The following ADAP1 variants were observed in gnomAD, a reference collection of about 807,000 sequenced individuals.
ADAP1 encodes the protein ArfGAP with dual PH domains 1.
Under a neutral mutation model 54.9 loss-of-function variants are expected in ADAP1, and 31 were observed. The ratio of observed to expected loss-of-function variants is 0.56; its 90% CI spans 0.42 to 0.76. ADAP1 has a LOEUF of 0.76. Among genes scored for constraint, ADAP1 ranks in the 30% least tolerant of loss-of-function variants. The pLI is 0.00. For missense variants in ADAP1, 535 were observed against 512.4 expected, an observed-to-expected ratio of 1.04 and a Z score of -0.42; for synonymous variants, 313 against 202.6, an observed-to-expected ratio of 1.55 and a Z score of -4.63.
intron 4 of ADAP1, among the ~76,000 whole-genome samples, chr7:906,728 CA>C (rs1845440614): frequency 2.8e-5 from 1 of 35,316 alleles, no homozygotes; most frequent in Non-Finnish European, 5.1e-5. Flanking sequence ...GGGGACGGGA[CA>C]TGGGGGACAG....
At chr7:932,712 G>A (rs73044437) in intron 2 of ADAP1, among the ~76,000 whole-genome samples, 5,286 of 152,216 alleles carry the variant, frequency 0.035, 163 homozygotes, top group Non-Finnish European at 0.042. Flanking sequence ...AAGGTGGGTC[G>A]AAGGGCGAAG....
chr7:935,050 C>T (rs1443669371), intron 2 of ADAP1: 4 of 487,748 alleles, frequency 8.2e-6, no homozygotes, highest in East Asian at 5.6e-5. Context: ...ACCCTGAGCC[C>T]AGTGCTCCAG....
At chr7:905,207 G>C (rs1394328601) in intron 4 of ADAP1, 35 bp from the exon 5 acceptor site, 3 of 1,549,592 alleles carry the variant, frequency 1.9e-6, no homozygotes, top group East Asian at 4.5e-5. Flanking sequence ...CGGTGACAGT[G>C]GATGGGGGGG....
Position 926,502 on chromosome 7 carries a change from G to T in ADAP1, c.305+51C>A. Reference sequence around the variant, plus strand: ...TGCCGGGTCCTCCCGGGGCCATCTCGGAGCCACCCAGCACTTGACCATGGC... The same window carrying T: ...TGCCGGGTCCTCCCGGGGCCATCTCTGAGCCACCCAGCACTTGACCATGGC... On this transcript the variant is annotated intron_variant, in intron 3 of 10. Transcript: ENST00000265846. The surrounding 1 kb of genome is among the most constrained non-coding windows in gnomAD (Gnocchi z 4.6). The T allele has an allele frequency of 6.9e-7, 1 of 1,458,994 alleles. No individual in the cohort carries two copies. The highest frequency in any genetic ancestry group is 9.1e-7 in the Non-Finnish European group (1 of 1,099,770). The allele number at this position is 1,458,994 out of a possible 1,614,324, so 90.4% of individuals were successfully genotyped here.
At chr7:922,371 T>TGGGGGCA (rs996271618) in intron 3 of ADAP1, among the ~76,000 whole-genome samples, 1 of 152,110 alleles carries the variant, frequency 6.6e-6, no homozygotes, top group African/African-American at 2.4e-5. Flanking sequence ...AAATGTGAGC[T>TGGGGGCA]GGGGGCAGGG....
In ADAP1 at chr7:927,110, A is replaced by T. The variant is rs1024340831; in HGVS notation, c.214-466T>A. 11 of 1,304,046 alleles carry T rather than the reference A, an allele frequency of 8.4e-6. No homozygotes were observed. The African/African-American group carries it at 1.7e-4, about 20-fold the overall frequency. 80.8% of individuals were successfully genotyped at this position (1,304,046 alleles called of 1,614,324 possible). A position where few individuals can be genotyped will look rare whatever the true frequency, so the allele number is the denominator to read the frequency against. ...ACGGGGGCCTGGAGATGGGCTGGTG[A>T]GCGAGAGACCCAGATGTGGCTAGGA... On this transcript the variant is annotated intron_variant, in intron 2 of 10. Coordinates refer to ENST00000265846, the MANE Select transcript of ADAP1 (RefSeq NM_006869.4).
chr7:900,850 C>A, intron 6 of ADAP1: 1 of 633,930 alleles, frequency 1.6e-6, no homozygotes, highest in South Asian at 1.6e-5. Flanking sequence ...GCAGCCTCCC[C>A]CGGCGAAGTC....
Position 899,727 on chromosome 7 carries a change from G to A in ADAP1, c.796-237C>T, listed in dbSNP as rs553371628. On this transcript the variant is annotated intron_variant, in intron 8 of 10. Coordinates refer to ENST00000265846, the MANE Select transcript of ADAP1 (RefSeq NM_006869.4). The stretch of plus-strand genomic sequence containing the variant: ...CCCCAGCCCTCCCTGGGCCCCAGAT[G>A]GGGGCCCAGGCCTCACTTACGAGCC... 4.9e-3 allele frequency among the ~76,000 whole-genome samples: 738 copies of A among 152,138 alleles called. 3 individuals are homozygous for A. The highest frequency in any genetic ancestry group is 0.017 in the Middle Eastern group (5 of 294).
intron 7 of ADAP1, 140 bp from the exon 8 acceptor site, chr7:900,304 C>A: frequency 9.1e-7 from 1 of 1,097,932 alleles, no homozygotes; most frequent in South Asian, 1.4e-5. Flanking sequence ...GCAGGATCCA[C>A]ATTTCTGCCT....
chr7:907,905 C>T (rs1161485333), intron 4 of ADAP1, among the ~76,000 whole-genome samples: 1 of 151,726 alleles, frequency 6.6e-6, no homozygotes, highest in Non-Finnish European at 1.5e-5. Context: ...GGCCGTCTGC[C>T]GAGGAGCCGT....
At chr7:910,251 C>T (rs959855685) in intron 4 of ADAP1, among the ~76,000 whole-genome samples, 1 of 152,072 alleles carries the variant, frequency 6.6e-6, no homozygotes, top group Non-Finnish European at 1.5e-5. Context: ...TCACATAAAG[C>T]CCACACCCGT....
rs1562912833 is a variant in ADAP1 at position 905,747 on chromosome 7, G to GGAGAAAGGAGAAAGGAGAAAGGAGAAA, written c.389-576_389-575insTTTCTCCTTTCTCCTTTCTCCTTTCTC. 2 of 3,604 alleles carry GGAGAAAGGAGAAAGGAGAAAGGAGAAA rather than the reference G, an allele frequency of 5.5e-4. 1 individual carries two copies. Among genetic ancestry groups the GGAGAAAGGAGAAAGGAGAAAGGAGAAA allele is most frequent in the African/African-American group, 2.8e-3 (2 of 708 alleles). 0.2% of individuals were successfully genotyped at this position (3,604 alleles called of 1,614,324 possible). On this transcript the variant is annotated intron_variant, in intron 4 of 10. Transcript: ENST00000265846. ...GGGAAAGGAGAAAGGGAAAGGAGAAGGGAGAAGGGAGAAGGGAGAAAGGAG... is the reference window on the plus strand; with the variant it reads ...GGGAAAGGAGAAAGGGAAAGGAGAAGGAGAAAGGAGAAAGGAGAAAGGAGAAAGGAGAAGGGAGAAGGGAGAAAGGAG...
chr7:905,635 G>GGA (rs1845188044), intron 4 of ADAP1: 1 of 29,344 alleles, frequency 3.4e-5, no homozygotes, highest in Non-Finnish European at 6.3e-5. Context: ...AAGGAGAAAG[G>GGA]GAAAGGAGAA....
intron 4 of ADAP1, among the ~76,000 whole-genome samples, chr7:912,907 G>A (rs893137071): frequency 2.0e-5 from 3 of 152,200 alleles, no homozygotes; most frequent in African/African-American, 7.2e-5. Flanking sequence ...GGAGTGCAGT[G>A]GTGCAATCAC....
intron 1 of ADAP1, among the ~76,000 whole-genome samples, chr7:951,388 T>A (rs1278036507): frequency 2.2e-4 from 30 of 133,768 alleles, no homozygotes; most frequent in East Asian, 1.6e-3. Context: ...AAAAAAAAAA[T>A]ATCCAACCTA....
intron 6 of ADAP1, among the ~76,000 whole-genome samples, chr7:902,475 A>AAATGCCTGGGCGTGGTG (rs1491159593): frequency 1.6e-3 from 231 of 142,210 alleles, no homozygotes; most frequent in East Asian, 2.3e-3. Flanking sequence ...AAAAAAAGAA[A>AAATGCCTGGGCGTGGTG]GAAAAGAAAG....
chr7:914,807 C>T (rs1845864500), intron 4 of ADAP1, among the ~76,000 whole-genome samples: 1 of 152,184 alleles, frequency 6.6e-6, no homozygotes, highest in African/African-American at 2.4e-5. Flanking sequence ...CACAGACAGT[C>T]ACCGCCTGCT....
At chr7:905,286 GGGGGACACGGACA>G (rs759670185) in intron 4 of ADAP1, 114 bp from the exon 5 acceptor site, 14,370 of 461,414 alleles carry the variant, frequency 0.031, 1,415 homozygotes, top group Admixed American at 0.084. Flanking sequence ...GGACACGGAC[GGGGGACACGGACA>G]GGGGGAGACG....
chr7:947,669 G>A lies in ADAP1; in HGVS notation c.82+6727C>T, dbSNP rs1847178098. Among the ~76,000 whole-genome samples the A allele has an allele frequency of 4.6e-5, 7 of 151,990 alleles. No individual in the cohort carries two copies. In the South Asian group the frequency reaches 1.3e-3, roughly 27 times the overall value. On this transcript the variant is annotated intron_variant, in intron 1 of 10. Coordinates refer to ENST00000265846, the MANE Select transcript of ADAP1 (RefSeq NM_006869.4). The stretch of plus-strand genomic sequence containing the variant: ...AGGCTTTGACCCTCCCCACACTCAC[G>A]CCCCGCCCTAGGCCTAGCCACCGCC...
Sources: allele counts gnomAD v4.1 joint callset (sites outside exome capture counted in the v4.1 genomes callset), GRCh38; gene constraint gnomAD v4.1.1; non-coding constraint Gnocchi (gnomAD v3.1); transcripts MANE v1.5; gene names NCBI Gene and HGNC (gene_info 2026-07-23, HGNC 2026-07-21).